The following THSD4 variants were observed in gnomAD, a reference collection of about 807,000 sequenced individuals.
The protein encoded by THSD4 is thrombospondin type-1 domain-containing protein 4.
In THSD4, 69 loss-of-function variants were observed where a neutral mutation model predicts 119.0. The ratio of observed to expected loss-of-function variants is 0.58; its 90% CI spans 0.48 to 0.71. THSD4 has a LOEUF of 0.71. Among genes scored for constraint, THSD4 ranks in the 30% least tolerant of loss-of-function variants. The probability of loss-of-function intolerance (pLI) is 0.00; values close to 1 mark genes in which losing one functional copy is unlikely to be tolerated. For synonymous variants in THSD4, 524 were observed against 540.4 expected (o/e 0.97, Z 0.42); for missense variants, 1,393 against 1,391.1 (o/e 1.00, Z -0.02).
At chr15:71,430,759 G>GCAAAAA (rs2046932306) in intron 7 of THSD4, among the ~76,000 whole-genome samples, 1 of 82,958 alleles carries the variant, frequency 1.2e-5, no homozygotes, top group Non-Finnish European at 2.2e-5. Flanking sequence ...TCTGTCTCAA[G>GCAAAAA]AAAAAAAAAA....
At chr15:71,379,878 T>C (rs1013186101) in intron 6 of THSD4, among the ~76,000 whole-genome samples, 1 of 151,980 alleles carries the variant, frequency 6.6e-6, no homozygotes, top group African/African-American at 2.4e-5. Context: ...GATTCACAAA[T>C]GGAGTAGCCC....
intron 7 of THSD4, among the ~76,000 whole-genome samples, chr15:71,630,666 G>A (rs2050608779): frequency 6.6e-6 from 1 of 152,154 alleles, no homozygotes; most frequent in South Asian, 2.1e-4. Flanking sequence ...GGCTGTCCAG[G>A]AAAGAGCGAG....
At chr15:71,441,683 A>G (rs7170448) in intron 7 of THSD4, among the ~76,000 whole-genome samples, 149,323 of 151,994 alleles carry the variant, frequency 0.98, 73,400 homozygotes, top group Middle Eastern at 1. Context: ...GTGAGCCACC[A>G]TGTCCAGCCT....
chr15:71,438,292 A>AT (rs201562397), intron 7 of THSD4, among the ~76,000 whole-genome samples: 51 of 148,360 alleles, frequency 3.4e-4, no homozygotes, highest in East Asian at 8.0e-4. Context: ...TGCAGGGTTT[A>AT]TTTTTTTTTT....
At chr15:71,589,186 T>C (rs2049748430) in intron 7 of THSD4, among the ~76,000 whole-genome samples, 1 of 152,188 alleles carries the variant, frequency 6.6e-6, no homozygotes, top group Non-Finnish European at 1.5e-5. Flanking sequence ...TTAGTGGATT[T>C]TGACCAGCAT....
intron 6 of THSD4, among the ~76,000 whole-genome samples, chr15:71,317,573 T>G (rs2045206927): frequency 6.6e-6 from 1 of 152,154 alleles, no homozygotes; most frequent in African/African-American, 2.4e-5. Context: ...ACTAGGTCCC[T>G]CCCATGATAT....
chr15:71,628,532 G>A (rs2050552036), intron 7 of THSD4, among the ~76,000 whole-genome samples: 1 of 152,150 alleles, frequency 6.6e-6, no homozygotes, highest in Admixed American at 6.5e-5. Flanking sequence ...TCACCCTTTG[G>A]GACGCATACA....
Position 71,527,975 on chromosome 15 carries a change from C to A in THSD4, c.1152+116152C>A, listed in dbSNP as rs114101903. The stretch of plus-strand genomic sequence containing the variant: ...AAGCAATCTTCCTGTCTCAGCCTTC[C>A]AAGATGCTGGGATTACAGTTGTGAG... On this transcript the variant is annotated intron_variant, in intron 7 of 17. Coordinates refer to ENST00000261862, the MANE Select transcript of THSD4 (RefSeq NM_024817.3). Among the ~76,000 whole-genome samples, 1,172 of 152,164 alleles carry A rather than the reference C, an allele frequency of 7.7e-3. 23 individuals carry two copies. The highest frequency in any genetic ancestry group is 0.026 in the African/African-American group (1,080 of 41,506).
chr15:71,216,759 C>G (rs896154946), intron 4 of THSD4, among the ~76,000 whole-genome samples: 1 of 152,258 alleles, frequency 6.6e-6, no homozygotes, highest in Non-Finnish European at 1.5e-5. Flanking sequence ...TACGTTGTCT[C>G]TTTTGATCCC....
At chr15:71,379,498 G>A (rs1435211118) in intron 6 of THSD4, among the ~76,000 whole-genome samples, 4 of 109,096 alleles carry the variant, frequency 3.7e-5, no homozygotes, top group Admixed American at 1.4e-4. Flanking sequence ...TTGCTCTATC[G>A]CCCAGGCTGG....
intron 3 of THSD4, among the ~76,000 whole-genome samples, chr15:71,206,147 G>A (rs1239256583): frequency 1.3e-5 from 2 of 152,126 alleles, no homozygotes; most frequent in East Asian, 3.9e-4. Context: ...GAGTAGCTGG[G>A]ATTACAAGTG....
intron 8 of THSD4, among the ~76,000 whole-genome samples, chr15:71,692,763 G>C (rs1464319146): frequency 6.6e-6 from 1 of 152,200 alleles, no homozygotes; most frequent in African/African-American, 2.4e-5. Flanking sequence ...TCTGCTGGCT[G>C]TGTTCCTGGT....
intron 7 of THSD4, among the ~76,000 whole-genome samples, chr15:71,611,927 G>A (rs2050237941): frequency 1.3e-5 from 2 of 152,208 alleles, no homozygotes; most frequent in Non-Finnish European, 2.9e-5. Context: ...AATTAGTTTG[G>A]AAAATTGGGC....
At chr15:71,649,003 C>T (rs1188021893) in intron 7 of THSD4, among the ~76,000 whole-genome samples, 1 of 152,150 alleles carries the variant, frequency 6.6e-6, no homozygotes, top group African/African-American at 2.4e-5. Context: ...TAGGAAGGCT[C>T]TTAGGTGAAC....
intron 7 of THSD4, among the ~76,000 whole-genome samples, chr15:71,446,998 G>A (rs1464996035): frequency 2.0e-5 from 3 of 151,984 alleles, no homozygotes; most frequent in Non-Finnish European, 2.9e-5. Context: ...GGAGTGGGCC[G>A]GGGGAGACAA....
chr15:71,374,149 G>A (rs190278882), intron 6 of THSD4, among the ~76,000 whole-genome samples: 4 of 152,336 alleles, frequency 2.6e-5, no homozygotes, highest in Non-Finnish European at 4.4e-5. Context: ...CTAGTGCTCA[G>A]TACTACAGTC....
In THSD4 at chr15:71,645,377, G is replaced by GGGAA. The variant is rs572235574; in HGVS notation, c.1153-15151_1153-15148dup. The stretch of plus-strand genomic sequence containing the variant: ...GAGAAGAATGAGAGCCGTGCAAAGA[G>GGGAA]GGAAGCCTCATATAAAGCCATCAGA... On this transcript the variant is annotated intron_variant, in intron 7 of 17. Transcript: ENST00000261862. Among the ~76,000 whole-genome samples the GGGAA allele has an allele frequency of 3.5e-4, 53 of 152,212 alleles. No individual in the cohort carries two copies. The South Asian group carries it at 9.3e-3, about 27-fold the overall frequency.
At chr15:71,580,314 T>C (rs910783883) in intron 7 of THSD4, among the ~76,000 whole-genome samples, 5 of 152,190 alleles carry the variant, frequency 3.3e-5, no homozygotes. Context: ...GCGGTTAGGC[T>C]CCAGAGTCTA....
intron 6 of THSD4, among the ~76,000 whole-genome samples, chr15:71,380,733 G>A (rs1043997560): frequency 2.0e-5 from 3 of 150,764 alleles, no homozygotes; most frequent in African/African-American, 7.3e-5. Context: ...CATCTTGGTA[G>A]TGAGCCTGGC....
Sources: gnomAD v4.1 joint callset for allele counts (sites outside exome capture counted in the v4.1 genomes callset) on GRCh38, gnomAD v4.1.1 for gene constraint, MANE v1.5 for transcripts, NCBI Gene and HGNC (gene_info 2026-07-23, HGNC 2026-07-21) for gene names.